Variants in AHRR observed in about 807,000 individuals in gnomAD.
AHRR encodes ahR repressor.
Under a neutral mutation model 44.0 loss-of-function variants are expected in AHRR, and 28 were observed. The ratio of observed to expected loss-of-function variants is 0.64; its 90% CI spans 0.47 to 0.87. The LOEUF is 0.87. Among genes scored for constraint, AHRR ranks in the 40% least tolerant of loss-of-function variants. The pLI is 0.00. For synonymous variants in AHRR, 434 were observed against 407.0 expected, an observed-to-expected ratio of 1.07 and a Z score of -0.80; for missense variants, 990 against 953.9, an observed-to-expected ratio of 1.04 and a Z score of -0.50.
intron 2 of AHRR, among the ~76,000 whole-genome samples, chr5:349,981 A>T (rs1742806450): frequency 6.6e-6 from 1 of 152,190 alleles, no homozygotes; most frequent in African/African-American, 2.4e-5. Context: ...CTATTCATTT[A>T]TACTTCTATG....
Position 368,796 on chromosome 5 carries a change from C to T in AHRR, c.245-7814C>T, listed in dbSNP as rs193010046. Among the ~76,000 whole-genome samples, 67 of 152,344 alleles carry T rather than the reference C, an allele frequency of 4.4e-4. No homozygotes were observed. The South Asian group carries it at 6.6e-3, about 15-fold the overall frequency. On this transcript the variant is annotated intron_variant, in intron 3 of 10. Transcript: ENST00000684583. ...GACCAGAGAAACGCGTGGGCACTGC[C>T]AGCTGCAGCCACCCCAGTCTTCGCT...
rs1381560623 is a variant in AHRR, at chr5:321,800, C to T, written c.-30C>T. The T allele has an allele frequency of 6.6e-6, 1 of 151,716 alleles. No homozygotes were observed. Among genetic ancestry groups the T allele is most frequent in the East Asian group, 1.9e-4 (1 of 5,166 alleles). 9.4% of individuals were successfully genotyped at this position (151,716 alleles called of 1,614,324 possible). A position where few individuals can be genotyped will look rare whatever the true frequency, so the allele number is the denominator to read the frequency against. On this transcript the variant is annotated 5_prime_UTR_variant, in exon 1 of 11. Coordinates refer to ENST00000684583, the MANE Select transcript of AHRR (RefSeq NM_001377236.1). The surrounding 1 kb of genome is among the most constrained non-coding windows in gnomAD (Gnocchi z 8.3). ...CTGCCCCGCGGGTGTGCCTGAGCCT[C>T]CGCGCCCCGCAGGCCCTGGGTAAGT...
chr5:321,876 G>A lies in AHRR; in HGVS notation c.-11+57G>A, dbSNP rs568317662. On this transcript the variant is annotated intron_variant, in intron 1 of 10. Coordinates refer to ENST00000684583, the MANE Select transcript of AHRR (RefSeq NM_001377236.1). The surrounding 1 kb of genome is among the most constrained non-coding windows in gnomAD (Gnocchi z 8.3). ...GCCGCGTGCCGCCCGCGGTGGAGAC[G>A]GGATGCGCTCCCGGGTGTGGGGCTG... is the stretch of plus-strand genomic sequence containing the variant. The A allele has an allele frequency of 5.9e-5, 9 of 152,166 alleles. No homozygotes were observed. Among genetic ancestry groups the A allele is most frequent in the South Asian group, 2.1e-4 (1 of 4,834 alleles). The allele number at this position is 152,166 out of a possible 1,614,324, so 9.4% of individuals were successfully genotyped here.
chr5:344,017 G>T, intron 2 of AHRR, 53 bp downstream of exon 2: 1 of 1,553,446 alleles, frequency 6.4e-7, no homozygotes. Flanking sequence ...TGGAAGGGGA[G>T]GGTTGGGGTT....
At position 435,350 on chromosome 5, in the gene AHRR, C is replaced by T. The variant is rs78959185; in HGVS notation, c.*516C>T. On this transcript the variant is annotated 3_prime_UTR_variant, in exon 11 of 11. Transcript: ENST00000684583. ...TGCTGTGCAGGCAGGGTCAGCCCATCGCCACAGTGCACTGTAGAGGCCAGC... is the reference window on the plus strand; with the variant it reads ...TGCTGTGCAGGCAGGGTCAGCCCATTGCCACAGTGCACTGTAGAGGCCAGC... 3,710 of 166,606 alleles carry T rather than the reference C, an allele frequency of 0.022. 149 individuals carry two copies. Among genetic ancestry groups the T allele is most frequent in the African/African-American group, 0.081 (3,398 of 41,982 alleles). 10.3% of individuals were successfully genotyped at this position (166,606 alleles called of 1,614,324 possible).
At chr5:373,500 T>C (rs1743649558) in intron 3 of AHRR, among the ~76,000 whole-genome samples, 1 of 152,204 alleles carries the variant, frequency 6.6e-6, no homozygotes, top group South Asian at 2.1e-4. Flanking sequence ...GCCACGGTGA[T>C]GGCCCACCTT....
At chr5:414,505 C>T (rs11747691) in intron 5 of AHRR, among the ~76,000 whole-genome samples, 35,627 of 151,972 alleles carry the variant, frequency 0.23, 5,522 homozygotes, top group Non-Finnish European at 0.34. Context: ...TGCACTTCCA[C>T]AAGCCACTCC....
intron 2 of AHRR, among the ~76,000 whole-genome samples, chr5:349,480 T>C (rs574699461): frequency 2.0e-5 from 3 of 151,110 alleles, no homozygotes; most frequent in Non-Finnish European, 4.4e-5. Context: ...CTCGGGAGGC[T>C]GAGGCAGGAG....
chr5:340,306 G>A (rs1742286073), intron 1 of AHRR, among the ~76,000 whole-genome samples: 1 of 151,934 alleles, frequency 6.6e-6, no homozygotes, highest in Non-Finnish European at 1.5e-5. Flanking sequence ...GTCTTACTCT[G>A]CTTGGGCTGC....
rs999865849 is a variant in AHRR at position 404,020 on chromosome 5, A to G, written c.352-9324A>G. On this transcript the variant is annotated intron_variant, in intron 4 of 10. Transcript: ENST00000684583. This position sits in a 1 kb window ranked among gnomAD's most constrained non-coding sequence, Gnocchi z 4.1. ...AATTCGAACTTGGTGTTTTTTCTTA[A>G]TCCACGGCTGAATCTGTTTAGTCTT... 1.2e-6 allele frequency: 1 copy of G among 834,406 alleles called. No individual in the cohort carries two copies. Among genetic ancestry groups the G allele is most frequent in the Non-Finnish European group, 2.0e-6 (1 of 489,304 alleles). 51.7% of individuals were successfully genotyped at this position (834,406 alleles called of 1,614,324 possible).
At chr5:417,371 C>T (rs1250132390) in intron 5 of AHRR, among the ~76,000 whole-genome samples, 110 of 83,306 alleles carry the variant, frequency 1.3e-3, no homozygotes, top group South Asian at 2.9e-3. Context: ...CGGCTTGGTC[C>T]GTATGTGCAG....
intron 4 of AHRR, among the ~76,000 whole-genome samples, chr5:390,057 C>T (rs114193454): frequency 0.012 from 1,812 of 151,946 alleles, 32 homozygotes; most frequent in African/African-American, 0.041. Flanking sequence ...GACAAAGATG[C>T]GCGGGACGAA....
intron 1 of AHRR, among the ~76,000 whole-genome samples, chr5:343,199 T>C (rs181428422): frequency 2.3e-4 from 35 of 150,702 alleles, no homozygotes; most frequent in Admixed American, 2.3e-3. Flanking sequence ...ACATGGGACC[T>C]GAGTACCCTC....
chr5:402,710 G>T (rs1286609391), intron 4 of AHRR, among the ~76,000 whole-genome samples: 4 of 151,962 alleles, frequency 2.6e-5, no homozygotes, highest in East Asian at 1.9e-4. Flanking sequence ...TCCATGCAAC[G>T]CAGCAGTCCC....
At chr5:417,210 C>T (rs1265763906) in intron 5 of AHRR, among the ~76,000 whole-genome samples, 2 of 147,128 alleles carry the variant, frequency 1.4e-5, no homozygotes, top group South Asian at 2.1e-4. Flanking sequence ...GTGGCTTGGT[C>T]TGTATGTGCA....
At chr5:353,458 CCT>C (rs1364249498) in intron 2 of AHRR, among the ~76,000 whole-genome samples, 1 of 152,146 alleles carries the variant, frequency 6.6e-6, no homozygotes, top group Non-Finnish European at 1.5e-5. Context: ...GGGGCCGTGC[CCT>C]GTCTCCGTGC....
chr5:328,830 G>A (rs1579582983), intron 1 of AHRR, among the ~76,000 whole-genome samples: 1 of 152,076 alleles, frequency 6.6e-6, no homozygotes, highest in African/African-American at 2.4e-5. Flanking sequence ...ATTTTCTCCC[G>A]TTTAACAGGT....
intron 4 of AHRR, among the ~76,000 whole-genome samples, chr5:377,616 C>T (rs1231928726): frequency 6.6e-6 from 1 of 152,236 alleles, no homozygotes; most frequent in Admixed American, 6.5e-5. Context: ...TGTGCACCCC[C>T]AGTGCCTGGG....
At chr5:403,036 G>A (rs1009843511) in intron 4 of AHRR, among the ~76,000 whole-genome samples, 2 of 152,146 alleles carry the variant, frequency 1.3e-5, no homozygotes, top group Non-Finnish European at 1.5e-5. Flanking sequence ...CCGGGGGTGT[G>A]GGAGGGGGAT....
Sources: gnomAD v4.1 joint callset for allele counts (sites outside exome capture counted in the v4.1 genomes callset) on GRCh38, gnomAD v4.1.1 for gene constraint, Gnocchi (gnomAD v3.1) non-coding constraint, MANE v1.5 for transcripts, NCBI Gene and HGNC (gene_info 2026-07-23, HGNC 2026-07-21) for gene names.